The following SPAG16 variants were observed in gnomAD, a reference collection of about 807,000 sequenced individuals.
SPAG16 encodes the protein sperm-associated antigen 16 protein.
In SPAG16, 86 loss-of-function variants were observed where a neutral mutation model predicts 80.4. The ratio of observed to expected loss-of-function variants is 1.07; its 90% CI spans 0.90 to 1.28. The LOEUF is 1.28. SPAG16 is among the 50% of genes most tolerant of loss of function. The pLI, the probability that SPAG16 is intolerant of heterozygous loss-of-function variation, is 0.00. For missense variants in SPAG16, 870 were observed against 765.3 expected (o/e 1.14, Z -1.61); for synonymous variants, 294 against 265.9 (o/e 1.11, Z -1.03).
chr2:213,930,214 CT>C (rs375981228), intron 12 of SPAG16, 69 bp downstream of exon 12: 100,023 of 858,964 alleles, frequency 0.12, no homozygotes, highest in East Asian at 0.18. Flanking sequence ...TGGTAAAGTT[CT>C]TTTTTTTTTT....
chr2:214,324,776 C>A (rs1236247398), intron 15 of SPAG16, among the ~76,000 whole-genome samples: 1 of 151,762 alleles, frequency 6.6e-6, no homozygotes, highest in Non-Finnish European at 1.5e-5. Flanking sequence ...AGTGGCTCAT[C>A]TATGCAGACG....
At chr2:213,679,810 G>T (rs1040414758) in intron 10 of SPAG16, among the ~76,000 whole-genome samples, 4 of 152,046 alleles carry the variant, frequency 2.6e-5, no homozygotes, top group Non-Finnish European at 5.9e-5. Flanking sequence ...GATGACAAAC[G>T]AAGGGTAAAG....
intron 9 of SPAG16, among the ~76,000 whole-genome samples, chr2:213,411,370 G>A (rs2068956547): frequency 6.6e-6 from 1 of 152,066 alleles, no homozygotes; most frequent in South Asian, 2.1e-4. Context: ...AATGTAGATT[G>A]GATAAACTAT....
chr2:214,196,538 T>A (rs1253928374), intron 15 of SPAG16, among the ~76,000 whole-genome samples: 4 of 152,080 alleles, frequency 2.6e-5, no homozygotes, highest in Non-Finnish European at 5.9e-5. Context: ...AGTCCCAGAA[T>A]ATTCTCCTAA....
chr2:213,429,420 G>C (rs979714647), intron 9 of SPAG16, among the ~76,000 whole-genome samples: 1 of 152,100 alleles, frequency 6.6e-6, no homozygotes, highest in Non-Finnish European at 1.5e-5. Context: ...CCCTGGCCTA[G>C]CTAATTGCCT....
intron 15 of SPAG16, among the ~76,000 whole-genome samples, chr2:214,274,846 G>T (rs1692327682): frequency 6.6e-6 from 1 of 152,116 alleles, no homozygotes; most frequent in African/African-American, 2.4e-5. Flanking sequence ...TTTTTCTATT[G>T]ATTGGAATAG....
chr2:214,335,622 A>G (rs1214288524), intron 15 of SPAG16, among the ~76,000 whole-genome samples: 1 of 152,018 alleles, frequency 6.6e-6, no homozygotes, highest in Admixed American at 6.6e-5. Flanking sequence ...CTTCTGGCCT[A>G]TAGTCCAGTT....
At chr2:213,527,285 G>T (rs567032465) in intron 10 of SPAG16, among the ~76,000 whole-genome samples, 1 of 152,278 alleles carries the variant, frequency 6.6e-6, no homozygotes, top group South Asian at 2.1e-4. Flanking sequence ...TGCTTCTTGT[G>T]AGTGTTACCC....
chr2:214,403,391 AAT>A (rs1001933155), intron 15 of SPAG16, among the ~76,000 whole-genome samples: 4 of 149,390 alleles, frequency 2.7e-5, no homozygotes, highest in African/African-American at 7.3e-5. Flanking sequence ...ATACATATAA[AAT>A]ATATGTTAAA....
chr2:213,616,113 C>G (rs1179706384), intron 10 of SPAG16, among the ~76,000 whole-genome samples: 1 of 152,122 alleles, frequency 6.6e-6, no homozygotes, highest in East Asian at 1.9e-4. Flanking sequence ...TGGAGATCAA[C>G]TTGGTTAACA....
At chr2:214,175,152 G>T (rs533116976) in intron 15 of SPAG16, among the ~76,000 whole-genome samples, 57 of 149,796 alleles carry the variant, frequency 3.8e-4, no homozygotes, top group African/African-American at 1.4e-3. Context: ...GATGCAGTTT[G>T]CAGAATTCGA....
intron 15 of SPAG16, among the ~76,000 whole-genome samples, chr2:214,283,593 G>C (rs1406961053): frequency 6.6e-6 from 1 of 152,008 alleles, no homozygotes; most frequent in Non-Finnish European, 1.5e-5. Context: ...CTAAACCACT[G>C]TTTTAAACTG....
intron 10 of SPAG16, among the ~76,000 whole-genome samples, chr2:213,803,294 A>G (rs1020454846): frequency 2.6e-5 from 4 of 152,230 alleles, no homozygotes; most frequent in African/African-American, 9.6e-5. Context: ...GCATAACTCA[A>G]GATTACCCTA....
chr2:213,486,662 G>C (rs570932516), intron 9 of SPAG16, among the ~76,000 whole-genome samples: 29 of 152,070 alleles, frequency 1.9e-4, no homozygotes, highest in African/African-American at 6.5e-4. Context: ...TTGGTACTGA[G>C]ACATATATAG....
chr2:213,781,460 G>A lies in SPAG16; in HGVS notation c.1071-81025G>A, dbSNP rs191642064. ...CTTCCTGCCTTCTTAATGCTTTCAT[G>A]TGTAGCTCTGCTATCTAGAGTGCTC... On this transcript the variant is annotated intron_variant, in intron 10 of 15. Coordinates refer to ENST00000331683, the MANE Select transcript of SPAG16 (RefSeq NM_024532.5). 2.7e-4 allele frequency among the ~76,000 whole-genome samples: 41 copies of A among 152,154 alleles called. No homozygotes were observed. In the East Asian group the frequency reaches 5.2e-3, roughly 19 times the overall value.
At chr2:213,984,469 T>C (rs2045913606) in intron 12 of SPAG16, among the ~76,000 whole-genome samples, 2 of 152,048 alleles carry the variant, frequency 1.3e-5, no homozygotes, top group Admixed American at 1.3e-4. Flanking sequence ...CAGGACCACA[T>C]TTTCTCACTT....
intron 7 of SPAG16, among the ~76,000 whole-genome samples, chr2:213,352,344 G>T (rs1479647231): frequency 6.6e-6 from 1 of 151,858 alleles, no homozygotes; most frequent in Admixed American, 6.6e-5. Flanking sequence ...CATCTAATCT[G>T]TCTTCCCCAG....
At chr2:213,768,270 C>G (rs779739320) in intron 10 of SPAG16, among the ~76,000 whole-genome samples, 1 of 152,072 alleles carries the variant, frequency 6.6e-6, no homozygotes, top group African/African-American at 2.4e-5. Flanking sequence ...GGCAGGCTTT[C>G]TAAGCTATAT....
At chr2:214,177,076 G>A (rs1477649829) in intron 15 of SPAG16, among the ~76,000 whole-genome samples, 1 of 150,972 alleles carries the variant, frequency 6.6e-6, no homozygotes, top group Non-Finnish European at 1.5e-5. Context: ...AATTATGTTT[G>A]GAATAAATCT....
Sources: allele counts gnomAD v4.1 joint callset (sites outside exome capture counted in the v4.1 genomes callset), GRCh38; gene constraint gnomAD v4.1.1; transcripts MANE v1.5; gene names NCBI Gene and HGNC (gene_info 2026-07-23, HGNC 2026-07-21).